Variants in ASTN2 observed in about 807,000 individuals in gnomAD.
ASTN2 encodes the protein astrotactin-2.
In ASTN2, 54 loss-of-function variants were observed where a neutral mutation model predicts 139.8. The observed-to-expected ratio is 0.39, with a 90% confidence interval of 0.31 to 0.48. The LOEUF (loss-of-function observed/expected upper bound fraction) is 0.48. ASTN2 is among the 20% of genes least tolerant of loss of function. ASTN2 has a pLI of 0.95. For missense variants in ASTN2, 1,565 were observed against 1,725.1 expected, an observed-to-expected ratio of 0.91 and a Z score of 1.64; for synonymous variants, 756 against 719.5, an observed-to-expected ratio of 1.05 and a Z score of -0.81.
Position 116,742,525 on chromosome 9 carries a change from G to A in ASTN2, c.2397-9002C>T, listed in dbSNP as rs917109856. On this transcript the variant is annotated intron_variant, in intron 13 of 22. Coordinates refer to ENST00000313400, the MANE Select transcript of ASTN2 (RefSeq NM_001365068.1). ...AAGGGTAGTGTCAATAAATGCTTAA[G>A]ATATTTAAGAATCTCGATACGGGTG... Among the ~76,000 whole-genome samples, 9 of 152,146 alleles carry A rather than the reference G, an allele frequency of 5.9e-5. No homozygotes were observed. The South Asian group carries it at 1.9e-3, about 32-fold the overall frequency.
chr9:117,186,923 G>A (rs1326098185), intron 3 of ASTN2, among the ~76,000 whole-genome samples: 1 of 152,204 alleles, frequency 6.6e-6, no homozygotes, highest in Non-Finnish European at 1.5e-5. Context: ...GAAGTCAGGA[G>A]TTTGAGACTG....
At position 117,259,045 on chromosome 9, in the gene ASTN2, A is replaced by T. The variant is rs924335623; in HGVS notation, c.630+32281T>A. ...AAAATAATAAAAATAGCTCTTTCAC[A>T]GATATTATTGTGGCCAGTGACGGAA... On this transcript the variant is annotated intron_variant, in intron 2 of 22. Coordinates refer to ENST00000313400, the MANE Select transcript of ASTN2 (RefSeq NM_001365068.1). Among the ~76,000 whole-genome samples the T allele has an allele frequency of 2.6e-5, 4 of 152,260 alleles. No homozygotes were observed. The East Asian group carries it at 7.7e-4, about 29-fold the overall frequency.
At chr9:117,208,396 G>A (rs975342375) in intron 3 of ASTN2, among the ~76,000 whole-genome samples, 1 of 151,166 alleles carries the variant, frequency 6.6e-6, no homozygotes, top group Non-Finnish European at 1.5e-5. Context: ...CAATAGACTA[G>A]GGCAAGCAGA....
At chr9:117,068,631 C>A (rs1182191541) in intron 5 of ASTN2, among the ~76,000 whole-genome samples, 1 of 102,450 alleles carries the variant, frequency 9.8e-6, no homozygotes, top group Admixed American at 9.1e-5. Flanking sequence ...GTGAATCCAT[C>A]TGGTCCTGGA....
intron 5 of ASTN2, among the ~76,000 whole-genome samples, chr9:117,060,442 G>GAGAAAGAAAGAA (rs751635444): frequency 1.9e-5 from 1 of 53,966 alleles, no homozygotes; most frequent in Non-Finnish European, 3.3e-5. Context: ...AAGAGAGAGA[G>GAGAAAGAAAGAA]AGAAAGAAAG....
chr9:116,618,316 G>T lies in ASTN2; in HGVS notation c.3355+8C>A, dbSNP rs933140120. On this transcript the variant is annotated splice_region_variant and intron_variant, in intron 19 of 22. Coordinates refer to ENST00000313400, the MANE Select transcript of ASTN2 (RefSeq NM_001365068.1). ...CTATCCCAAGAAAATGGGAACTCAT[G>T]TACCTACCTGTGTACAGGTCAGTGT... 1.9e-6 allele frequency: 3 copies of T among 1,611,034 alleles called. No individual in the cohort carries two copies. The highest frequency in any genetic ancestry group is 1.7e-5 in the Admixed American group (1 of 59,382).
At chr9:117,053,298 A>G (rs1207576209) in intron 5 of ASTN2, among the ~76,000 whole-genome samples, 1 of 152,038 alleles carries the variant, frequency 6.6e-6, no homozygotes, top group Non-Finnish European at 1.5e-5. Flanking sequence ...CATAAAACTT[A>G]AAAACTAGCT....
At chr9:116,990,793 G>A (rs111316890) in intron 7 of ASTN2, among the ~76,000 whole-genome samples, 3,504 of 152,248 alleles carry the variant, frequency 0.023, 156 homozygotes, top group African/African-American at 0.081. Context: ...GAATCATTGT[G>A]AGTCATTAAA....
intron 19 of ASTN2, among the ~76,000 whole-genome samples, chr9:116,494,032 A>G (rs1292162500): frequency 6.6e-6 from 1 of 152,178 alleles, no homozygotes; most frequent in Non-Finnish European, 1.5e-5. Context: ...CTTGTCAGGG[A>G]CAAAATGCAT....
At chr9:117,352,565 A>G (rs1163849305) in intron 1 of ASTN2, among the ~76,000 whole-genome samples, 2 of 152,236 alleles carry the variant, frequency 1.3e-5, no homozygotes, top group Non-Finnish European at 2.9e-5. Flanking sequence ...ACAGAAGTGG[A>G]CAAAGAGTGG....
intron 12 of ASTN2, among the ~76,000 whole-genome samples, chr9:116,806,895 T>G (rs1831044118): frequency 6.6e-6 from 1 of 152,238 alleles, no homozygotes; most frequent in Non-Finnish European, 1.5e-5. Flanking sequence ...GAACACTTTA[T>G]GTATTTATTA....
At chr9:117,282,319 A>T (rs2130768380) in intron 2 of ASTN2, among the ~76,000 whole-genome samples, 1 of 152,318 alleles carries the variant, frequency 6.6e-6, no homozygotes, top group African/African-American at 2.4e-5. Flanking sequence ...ATAGCTATAC[A>T]CGTTCTTATT....
intron 3 of ASTN2, among the ~76,000 whole-genome samples, chr9:117,209,107 C>A (rs1832033769): frequency 1.3e-5 from 2 of 151,986 alleles, no homozygotes; most frequent in Admixed American, 1.3e-4. Context: ...CAGAAAACCA[C>A]CCAACTGCAA....
chr9:116,974,246 TA>T (rs1836286353), intron 10 of ASTN2, among the ~76,000 whole-genome samples: 1 of 152,196 alleles, frequency 6.6e-6, no homozygotes. Context: ...AGATCAGATC[TA>T]AGACCACAGA....
At chr9:117,412,207 A>G (rs1182420502) in intron 1 of ASTN2, among the ~76,000 whole-genome samples, 1 of 152,130 alleles carries the variant, frequency 6.6e-6, no homozygotes, top group Non-Finnish European at 1.5e-5. Flanking sequence ...GAGAGCGCCT[A>G]AAGCTGCCAG....
chr9:116,818,105 ATTG>A (rs1402704245), intron 12 of ASTN2, among the ~76,000 whole-genome samples: 1 of 152,152 alleles, frequency 6.6e-6, no homozygotes, highest in African/African-American at 2.4e-5. Flanking sequence ...CGCTTGTAGA[ATTG>A]TTATGAGAAT....
At chr9:117,127,007 G>A (rs1218619921) in intron 4 of ASTN2, among the ~76,000 whole-genome samples, 1 of 152,178 alleles carries the variant, frequency 6.6e-6, no homozygotes, top group Non-Finnish European at 1.5e-5. Context: ...ATTAGTCACA[G>A]CAGCCCTAAA....
chr9:116,823,789 GA>G (rs1332946811), intron 11 of ASTN2, among the ~76,000 whole-genome samples: 1 of 152,224 alleles, frequency 6.6e-6, no homozygotes, highest in East Asian at 1.9e-4. Flanking sequence ...ACGCCTGTGG[GA>G]AAGGCTTCCT....
At chr9:116,711,267 C>A (rs1828148469) in intron 16 of ASTN2, among the ~76,000 whole-genome samples, 1 of 152,226 alleles carries the variant, frequency 6.6e-6, no homozygotes, top group African/African-American at 2.4e-5. Context: ...TACAACTACT[C>A]TTCAATGCCC....
Sources: gnomAD v4.1 joint callset for allele counts (sites outside exome capture counted in the v4.1 genomes callset) on GRCh38, gnomAD v4.1.1 for gene constraint, MANE v1.5 for transcripts, NCBI Gene and HGNC (gene_info 2026-07-23, HGNC 2026-07-21) for gene names.